MRTFB: variants seen among roughly 807,000 people sequenced by gnomAD.
MRTFB encodes myocardin-related transcription factor B.
A neutral mutation model predicts 104.2 loss-of-function variants in MRTFB; 29 were observed. The ratio of observed to expected loss-of-function variants is 0.28; its 90% CI spans 0.21 to 0.38. The LOEUF is 0.38. Among genes scored for constraint, MRTFB ranks in the 10% least tolerant of loss-of-function variants. The pLI, the probability that MRTFB is intolerant of heterozygous loss-of-function variation, is 1.00. For synonymous variants in MRTFB, 535 were observed against 519.5 expected (o/e 1.03, Z -0.41); for missense variants, 1,270 against 1,341.6 (o/e 0.95, Z 0.83).
At chr16:14,208,756 A>G (rs970571701) in intron 3 of MRTFB, among the ~76,000 whole-genome samples, 2 of 152,242 alleles carry the variant, frequency 1.3e-5, no homozygotes, top group Admixed American at 1.3e-4. Context: ...AGTAAAGTAC[A>G]GTGGGAACAT....
At chr16:14,062,470 G>T in the MRTFB span, among the ~76,000 whole-genome samples, 1 of 152,264 alleles carries the variant, frequency 6.6e-6, no homozygotes, top group Non-Finnish European at 1.5e-5. Flanking sequence ...TGTTGGGAAA[G>T]CCATTGGTGG....
At chr16:14,019,797 T>C in the MRTFB span, among the ~76,000 whole-genome samples, 2 of 151,264 alleles carry the variant, frequency 1.3e-5, no homozygotes, top group Non-Finnish European at 2.9e-5. Context: ...AACCACATGT[T>C]TGGGTTCAAA....
At chr16:14,153,925 T>G (rs892203386) in intron 3 of MRTFB, among the ~76,000 whole-genome samples, 1 of 152,236 alleles carries the variant, frequency 6.6e-6, no homozygotes, top group South Asian at 2.1e-4. Flanking sequence ...TTATTTCTCC[T>G]AAAGTCTACT....
chr16:14,052,720 C>G, the MRTFB span, among the ~76,000 whole-genome samples: 168 of 117,518 alleles, frequency 1.4e-3, no homozygotes, highest in Non-Finnish European at 1.8e-3. Flanking sequence ...GCCTGGGCAA[C>G]AAGAGCAAAA....
At chr16:14,240,174 C>G in intron 9 of MRTFB, 63 bp from the exon 10 acceptor site, 1 of 1,496,990 alleles carries the variant, frequency 6.7e-7, no homozygotes, top group Non-Finnish European at 8.9e-7. Context: ...TTTAGTCACG[C>G]AGTACAAAAG....
chr16:14,121,064 C>T (rs1431562150), intron 2 of MRTFB, among the ~76,000 whole-genome samples: 1 of 152,180 alleles, frequency 6.6e-6, no homozygotes, highest in Non-Finnish European at 1.5e-5. Context: ...CTGTTGCTCT[C>T]TTAAAACCTC....
intron 3 of MRTFB, among the ~76,000 whole-genome samples, chr16:14,173,080 A>G (rs2039474378): frequency 6.6e-6 from 1 of 152,086 alleles, no homozygotes; most frequent in African/African-American, 2.4e-5. Flanking sequence ...TTCTTTTGTT[A>G]CATTTAGATC....
rs1480395428 is a variant in MRTFB at position 14,220,043 on chromosome 16, A to G, written c.693+1045A>G. Among the ~76,000 whole-genome samples, 34 of 151,990 alleles carry G rather than the reference A, an allele frequency of 2.2e-4. 1 individual carries two copies. Among genetic ancestry groups the G allele is most frequent in the Non-Finnish European group, 2.9e-5 (2 of 68,000 alleles). On this transcript the variant is annotated intron_variant, in intron 8 of 16. Transcript: ENST00000571589. Reference sequence around the variant, plus strand: ...TGAATGTAGAGCCGCTACAGCTTGGACTCATCAGTGGTAGTGTGGATGGCT... The same window carrying G: ...TGAATGTAGAGCCGCTACAGCTTGGGCTCATCAGTGGTAGTGTGGATGGCT...
At chr16:14,140,821 G>A in intron 3 of MRTFB, 61 bp downstream of exon 3, 1 of 1,593,958 alleles carries the variant, frequency 6.3e-7, no homozygotes, top group Non-Finnish European at 8.6e-7. Flanking sequence ...TGGGAGCCCA[G>A]TTTATTCCTG....
At chr16:14,007,059 A>G in the MRTFB span, among the ~76,000 whole-genome samples, 1 of 152,190 alleles carries the variant, frequency 6.6e-6, no homozygotes, top group Non-Finnish European at 1.5e-5. Context: ...CTTTATTGAG[A>G]TGTAATTCGT....
At chr16:14,049,550 C>T in the MRTFB span, among the ~76,000 whole-genome samples, 1 of 152,084 alleles carries the variant, frequency 6.6e-6, no homozygotes, top group East Asian at 1.9e-4. Context: ...AATATGATTG[C>T]GGATTGGATC....
chr16:14,100,923 T>C (rs1012225541), intron 2 of MRTFB, among the ~76,000 whole-genome samples: 11 of 152,184 alleles, frequency 7.2e-5, no homozygotes, highest in Admixed American at 3.9e-4. Context: ...ACTCCTGATA[T>C]TGGTAATCTG....
chr16:14,048,560 C>T, the MRTFB span, among the ~76,000 whole-genome samples: 1 of 152,118 alleles, frequency 6.6e-6, no homozygotes, highest in East Asian at 1.9e-4. Context: ...GAGGAAGACA[C>T]AGGGGCCAGA....
chr16:14,096,646 A>G (rs2035391413), intron 2 of MRTFB, among the ~76,000 whole-genome samples: 1 of 152,234 alleles, frequency 6.6e-6, no homozygotes, highest in Admixed American at 6.5e-5. Flanking sequence ...TGATAAGTTC[A>G]TAAGCTTACA....
chr16:14,247,388 G>A lies in MRTFB; in HGVS notation c.2128G>A (p.Val710Ile), dbSNP rs779417043. The A allele has an allele frequency of 6.2e-7, 1 of 1,613,722 alleles. No homozygotes were observed. Among genetic ancestry groups the A allele is most frequent in the Non-Finnish European group, 8.5e-7 (1 of 1,179,986 alleles). Residue 710 changes from valine (V) to isoleucine (I), a missense_variant, in exon 12 of 17, where the codon GTT becomes ATT. Coordinates refer to ENST00000571589, the MANE Select transcript of MRTFB (RefSeq NM_001308142.2). ...TTCCCAGGGACAGCCACCGCCTGCT[G>A]TTGTTGCTCAGCCCCAGGCTTTACT... ...VSSQGQPPPAVVAQPQALLTT... is the reference protein window; with the variant it reads ...VSSQGQPPPAIVAQPQALLTT...
At chr16:14,036,377 C>T in the MRTFB span, among the ~76,000 whole-genome samples, 1 of 138,400 alleles carries the variant, frequency 7.2e-6, no homozygotes, top group Admixed American at 8.0e-5. Flanking sequence ...CACTTAAAAC[C>T]TGCCAAGCTC....
chr16:14,138,404 C>T (rs940870330), intron 2 of MRTFB, among the ~76,000 whole-genome samples: 1 of 152,030 alleles, frequency 6.6e-6, no homozygotes, highest in Non-Finnish European at 1.5e-5. Flanking sequence ...TAAAGAATTT[C>T]TTGTAGTGTG....
the MRTFB span, among the ~76,000 whole-genome samples, chr16:14,058,700 T>TG: frequency 2.0e-5 from 3 of 150,692 alleles, no homozygotes; most frequent in African/African-American, 7.3e-5. Flanking sequence ...TATTTATTTT[T>TG]TATTTGTATT....
At position 14,203,517 on chromosome 16, in the gene MRTFB, A is replaced by G. The variant is rs1006270643; in HGVS notation, c.155-6726A>G. On this transcript the variant is annotated intron_variant, in intron 3 of 16. Coordinates refer to ENST00000571589, the MANE Select transcript of MRTFB (RefSeq NM_001308142.2). ...ATGTGTTGTTTCCTTTAGGGGGAAA[A>G]GGCACTTTAATTACATCATATTAAG... Among the ~76,000 whole-genome samples the G allele has an allele frequency of 2.6e-5, 4 of 152,100 alleles. No homozygotes were observed. In the East Asian group the frequency reaches 5.8e-4, roughly 22 times the overall value.
Sources: gnomAD v4.1 joint callset for allele counts (sites outside exome capture counted in the v4.1 genomes callset) on GRCh38, gnomAD v4.1.1 for gene constraint, MANE v1.5 for transcripts, NCBI Gene and HGNC (gene_info 2026-07-23, HGNC 2026-07-21) for gene names.